The following POT1 variants were observed in gnomAD, a reference collection of about 807,000 sequenced individuals.
The protein encoded by POT1 is protection of telomeres 1, also known as protection of telomeres protein 1.
In POT1, 47 loss-of-function variants were observed where a neutral mutation model predicts 78.5. That is an observed-to-expected ratio of 0.60 (90% confidence interval 0.47 to 0.76). POT1 has a LOEUF of 0.76. POT1 is among the 30% of genes least tolerant of loss of function. The pLI is 0.00. For missense variants in POT1, 646 were observed against 749.9 expected (o/e 0.86, Z 1.62); for synonymous variants, 259 against 260.7 (o/e 0.99, Z 0.06).
At chr7:124,910,120 A>G (rs959140984) in intron 3 of POT1, among the ~76,000 whole-genome samples, 57 of 151,892 alleles carry the variant, frequency 3.8e-4, no homozygotes, top group African/African-American at 1.3e-3. Context: ...GGGTACTAAA[A>G]AAAGCATAGC....
At chr7:124,885,293 C>CA (rs11372618) in intron 6 of POT1, among the ~76,000 whole-genome samples, 5,039 of 63,028 alleles carry the variant, frequency 0.08, 546 homozygotes, top group African/African-American at 0.23. Context: ...TCCATCTCTC[C>CA]AAAAAAAAAA....
intron 14 of POT1, 26 bp from the exon 15 acceptor site, chr7:124,835,440 C>T (rs1352816853): frequency 3.1e-6 from 5 of 1,603,318 alleles, no homozygotes; most frequent in African/African-American, 1.3e-5. Context: ...ATAAATCCTT[C>T]AAGTAGTGCA....
intron 5 of POT1, among the ~76,000 whole-genome samples, chr7:124,895,365 A>AG (rs1320226179): frequency 6.6e-6 from 1 of 151,544 alleles, no homozygotes; most frequent in Non-Finnish European, 1.5e-5. Flanking sequence ...TGACTGCTTA[A>AG]GGGGCAGCCC....
At chr7:124,855,400 TAAC>T (rs1456643536) in intron 9 of POT1, among the ~76,000 whole-genome samples, 3 of 151,762 alleles carry the variant, frequency 2.0e-5, no homozygotes, top group Admixed American at 1.3e-4. Flanking sequence ...TTTTTTAACA[TAAC>T]AAAATTTCGA....
chr7:124,898,664 A>G (rs1022715344), intron 3 of POT1, among the ~76,000 whole-genome samples: 1 of 152,078 alleles, frequency 6.6e-6, no homozygotes, highest in Non-Finnish European at 1.5e-5. Context: ...ATGTAGTGAA[A>G]CTCAGATGTT....
At chr7:124,926,448 T>C (rs1797276387) in intron 2 of POT1, among the ~76,000 whole-genome samples, 1 of 151,790 alleles carries the variant, frequency 6.6e-6, no homozygotes, top group Non-Finnish European at 1.5e-5. Flanking sequence ...GACATTGGGG[T>C]GCAAAGAAAA....
chr7:124,902,412 A>T (rs1480231653), intron 3 of POT1, among the ~76,000 whole-genome samples: 7 of 152,244 alleles, frequency 4.6e-5, no homozygotes. Flanking sequence ...AGAATTTCAT[A>T]TCCAGCCAAA....
intron 2 of POT1, 88 bp downstream of exon 2, chr7:124,928,727 C>G (rs1463884954): frequency 3.3e-5 from 5 of 152,502 alleles, no homozygotes; most frequent in African/African-American, 4.8e-5. Context: ...AAAACCATAC[C>G]TAAACCAGTT....
At chr7:124,885,700 A>C (rs1796228367) in intron 6 of POT1, among the ~76,000 whole-genome samples, 1 of 152,114 alleles carries the variant, frequency 6.6e-6, no homozygotes, top group Non-Finnish European at 1.5e-5. Context: ...CAGGAGGCGG[A>C]GCTTGCAGTG....
At chr7:124,869,780 CA>C (rs1160039538) in intron 7 of POT1, among the ~76,000 whole-genome samples, 1 of 152,058 alleles carries the variant, frequency 6.6e-6, no homozygotes, top group African/African-American at 2.4e-5. Flanking sequence ...AGGGTTTCTC[CA>C]TGTTGGTCAG....
intron 18 of POT1, among the ~76,000 whole-genome samples, chr7:124,825,032 A>G (rs1333592092): frequency 2.0e-5 from 3 of 152,096 alleles, no homozygotes; most frequent in Non-Finnish European, 4.4e-5. Flanking sequence ...TCCTATATTT[A>G]AAAATATTTT....
chr7:124,871,505 T>A (rs895142800), intron 6 of POT1, among the ~76,000 whole-genome samples: 5 of 152,002 alleles, frequency 3.3e-5, no homozygotes, highest in Admixed American at 2.0e-4. Flanking sequence ...ATACAGTAAA[T>A]ATGTCGTACA....
At chr7:124,842,762 C>T (rs757285452) in intron 13 of POT1, 45 bp downstream of exon 13, 3 of 1,513,860 alleles carry the variant, frequency 2.0e-6, no homozygotes, top group Non-Finnish European at 1.8e-6. Flanking sequence ...TACATATACA[C>T]ACAAATAATA....
chr7:124,907,509 A>G (rs577070598), intron 3 of POT1, among the ~76,000 whole-genome samples: 1 of 152,274 alleles, frequency 6.6e-6, no homozygotes, highest in South Asian at 2.1e-4. Context: ...AGTTAGGGAA[A>G]GGGAAGGATG....
At chr7:124,848,935 G>A (rs974371017) in intron 11 of POT1, among the ~76,000 whole-genome samples, 2 of 152,056 alleles carry the variant, frequency 1.3e-5, no homozygotes, top group African/African-American at 4.8e-5. Flanking sequence ...TAACAAGAAA[G>A]CAAAAGTAGT....
intron 13 of POT1, 140 bp from the exon 14 acceptor site, chr7:124,841,318 T>G: frequency 3.2e-6 from 2 of 631,590 alleles, no homozygotes; most frequent in East Asian, 5.5e-5. Flanking sequence ...ATGTAAATTA[T>G]GGAGATAATT....
intron 6 of POT1, among the ~76,000 whole-genome samples, chr7:124,881,050 CT>C (rs1293547822): frequency 6.6e-6 from 1 of 151,982 alleles, no homozygotes; most frequent in African/African-American, 2.4e-5. Context: ...AAATAAAATA[CT>C]CTTTCAATAT....
intron 5 of POT1, among the ~76,000 whole-genome samples, chr7:124,893,472 CAACT>C (rs1796420247): frequency 6.6e-6 from 1 of 151,402 alleles, no homozygotes; most frequent in South Asian, 2.1e-4. Context: ...TTGAAATCAG[CAACT>C]AACACAAATT....
chr7:124,869,302 CTCCT>C (rs1328412443), intron 7 of POT1, among the ~76,000 whole-genome samples: 1 of 152,148 alleles, frequency 6.6e-6, no homozygotes, highest in Non-Finnish European at 1.5e-5. Flanking sequence ...AGACTCTTTA[CTCCT>C]GTAGCAGGAG....
Sources: allele counts gnomAD v4.1 joint callset (sites outside exome capture counted in the v4.1 genomes callset), GRCh38; gene constraint gnomAD v4.1.1; transcripts MANE v1.5; gene names NCBI Gene and HGNC (gene_info 2026-07-23, HGNC 2026-07-21).